The following DCC variants were observed in gnomAD, a reference collection of about 807,000 sequenced individuals.
The protein encoded by DCC is netrin receptor DCC.
DCC carries 58 observed loss-of-function variants against 172.5 expected under a neutral mutation model. The observed-to-expected ratio is 0.34, with a 90% CI of 0.27 to 0.42. DCC has a LOEUF of 0.42. DCC is among the 10% of genes least tolerant of loss of function. DCC has a pLI of 1.00. For missense variants in DCC, 1,740 were observed against 1,791.0 expected (o/e 0.97, Z 0.51); for synonymous variants, 709 against 644.5 (o/e 1.10, Z -1.52).
chr18:53,028,678 A>G (rs1047760424), intron 5 of DCC, among the ~76,000 whole-genome samples: 1 of 152,160 alleles, frequency 6.6e-6, no homozygotes, highest in African/African-American at 2.4e-5. Flanking sequence ...AAAACTCTGA[A>G]CAAGGACAAT....
intron 1 of DCC, among the ~76,000 whole-genome samples, chr18:52,709,628 T>C (rs1353965975): frequency 6.6e-6 from 1 of 152,184 alleles, no homozygotes; most frequent in Non-Finnish European, 1.5e-5. Flanking sequence ...TTTCACAGAA[T>C]GTATGCTATT....
chr18:53,195,924 A>C (rs924727168), intron 9 of DCC, among the ~76,000 whole-genome samples: 4 of 152,052 alleles, frequency 2.6e-5, no homozygotes, highest in Non-Finnish European at 5.9e-5. Context: ...GTCCTTCCTA[A>C]GTTCCTTGAA....
intron 1 of DCC, among the ~76,000 whole-genome samples, chr18:52,467,292 T>C (rs1988814744): frequency 1.3e-5 from 2 of 151,836 alleles, no homozygotes; most frequent in South Asian, 2.1e-4. Context: ...TGAGAACATG[T>C]GGTGTTTGGT....
intron 1 of DCC, among the ~76,000 whole-genome samples, chr18:52,733,271 A>C (rs1332963720): frequency 6.6e-6 from 1 of 152,172 alleles, no homozygotes; most frequent in Non-Finnish European, 1.5e-5. Flanking sequence ...AAGTGTCTGC[A>C]GTCCTTTCTA....
At chr18:52,862,003 A>G (rs113928372) in intron 2 of DCC, among the ~76,000 whole-genome samples, 2,897 of 152,306 alleles carry the variant, frequency 0.019, 75 homozygotes, top group African/African-American at 0.063. Flanking sequence ...ACTTTGTTGT[A>G]TCATGGCATA....
intron 22 of DCC, among the ~76,000 whole-genome samples, chr18:53,436,817 C>T (rs755100510): frequency 6.6e-6 from 1 of 152,072 alleles, no homozygotes; most frequent in Non-Finnish European, 1.5e-5. Flanking sequence ...ATTTATTGCT[C>T]ACAGTTTTGG....
intron 5 of DCC, among the ~76,000 whole-genome samples, chr18:53,023,914 G>C (rs1278343957): frequency 6.6e-6 from 1 of 151,988 alleles, no homozygotes; most frequent in Admixed American, 6.6e-5. Flanking sequence ...CTAGTTAGTG[G>C]AATTATTTTA....
At chr18:53,230,673 A>C (rs2144614535) in intron 12 of DCC, among the ~76,000 whole-genome samples, 1 of 152,140 alleles carries the variant, frequency 6.6e-6, no homozygotes, top group Non-Finnish European at 1.5e-5. Context: ...CCAGTTAGTA[A>C]TTTTTTCCCT....
intron 1 of DCC, among the ~76,000 whole-genome samples, chr18:52,585,794 A>G (rs1447744140): frequency 1.3e-5 from 2 of 152,176 alleles, no homozygotes; most frequent in East Asian, 3.9e-4. Context: ...TAGAATACCA[A>G]CACTGTCGGC....
chr18:52,722,895 T>C (rs570912636), intron 1 of DCC, among the ~76,000 whole-genome samples: 1 of 152,338 alleles, frequency 6.6e-6, no homozygotes, highest in South Asian at 2.1e-4. Flanking sequence ...TGAGAAAGGA[T>C]TCATGGGAGC....
intron 7 of DCC, among the ~76,000 whole-genome samples, chr18:53,122,148 G>T (rs991540709): frequency 3.9e-5 from 6 of 151,912 alleles, no homozygotes; most frequent in African/African-American, 7.2e-5. Flanking sequence ...CAGTTTTCAG[G>T]TTGGCTTGCA....
In DCC at chr18:52,890,513, G is replaced by T. The variant is rs1030139282; in HGVS notation, c.413-15531G>T. On this transcript the variant is annotated intron_variant, in intron 2 of 28. Coordinates refer to ENST00000442544, the MANE Select transcript of DCC (RefSeq NM_005215.4). ...TAAGAAATTTGGAAAATATTGATGTGTTATGATATTCCCAGATTTAAGCTT... is the reference window on the plus strand; with the variant it reads ...TAAGAAATTTGGAAAATATTGATGTTTTATGATATTCCCAGATTTAAGCTT... Among the ~76,000 whole-genome samples the T allele has an allele frequency of 2.0e-5, 3 of 152,070 alleles. No individual in the cohort carries two copies. The East Asian group carries it at 5.8e-4, about 29-fold the overall frequency.
intron 2 of DCC, among the ~76,000 whole-genome samples, chr18:52,867,955 T>A (rs143719513): frequency 0.021 from 3,162 of 152,052 alleles, 57 homozygotes; most frequent in Admixed American, 0.04. Flanking sequence ...TTATTATGTG[T>A]CTTTCTTTTA....
chr18:53,064,095 T>C (rs1001105024), intron 6 of DCC, among the ~76,000 whole-genome samples: 8 of 152,164 alleles, frequency 5.3e-5, no homozygotes, highest in African/African-American at 1.9e-4. Flanking sequence ...GAGGAATAAC[T>C]TCTATGGTTT....
chr18:53,461,055 G>A lies in DCC; in HGVS notation c.3619+1597G>A, dbSNP rs541199143. ...AGTGATGGTGAACATTTTTTCATGT[G>A]TTTTTTGGCTGCATAAATGTCTTCT... is the stretch of plus-strand genomic sequence containing the variant. On this transcript the variant is annotated intron_variant, in intron 24 of 28. Transcript: ENST00000442544. Among the ~76,000 whole-genome samples the A allele has an allele frequency of 2.0e-4, 30 of 152,246 alleles. No homozygotes were observed. The South Asian group carries it at 6.0e-3, about 31-fold the overall frequency.
chr18:53,080,095 G>T (rs2042778702), intron 7 of DCC, among the ~76,000 whole-genome samples: 1 of 152,082 alleles, frequency 6.6e-6, no homozygotes, highest in Non-Finnish European at 1.5e-5. Flanking sequence ...TAGTTGGAAA[G>T]CTGTATCATC....
At chr18:52,844,298 A>T (rs1039509815) in intron 2 of DCC, among the ~76,000 whole-genome samples, 5 of 136,096 alleles carry the variant, frequency 3.7e-5, no homozygotes, top group South Asian at 2.7e-4. Context: ...ATTGATTGAT[A>T]GATAGGTAGA....
At chr18:52,394,542 G>T (rs1317558750) in intron 1 of DCC, among the ~76,000 whole-genome samples, 1 of 151,678 alleles carries the variant, frequency 6.6e-6, no homozygotes, top group Non-Finnish European at 1.5e-5. Context: ...CTCCCAAATC[G>T]CTGAGATTAC....
At chr18:53,210,286 C>T (rs1296315440) in intron 11 of DCC, among the ~76,000 whole-genome samples, 2 of 152,194 alleles carry the variant, frequency 1.3e-5, no homozygotes, top group African/African-American at 2.4e-5. Context: ...TTAATAGTCA[C>T]CTGCTTCCCA....
Sources: gnomAD v4.1 joint callset for allele counts (sites outside exome capture counted in the v4.1 genomes callset) on GRCh38, gnomAD v4.1.1 for gene constraint, MANE v1.5 for transcripts, NCBI Gene and HGNC (gene_info 2026-07-23, HGNC 2026-07-21) for gene names.